Variants in LARGE1 observed in about 807,000 individuals in gnomAD.
LARGE1 encodes xylosyl- and glucuronyltransferase LARGE1.
LARGE1 carries 43 observed loss-of-function variants against 87.6 expected under a neutral mutation model. The ratio of observed to expected loss-of-function variants is 0.49; its 90% confidence interval spans 0.38 to 0.63. The LOEUF is 0.63. Among genes scored for constraint, LARGE1 ranks in the 30% least tolerant of loss-of-function variants. The pLI is 0.00. For synonymous variants in LARGE1, 434 were observed against 394.6 expected, an observed-to-expected ratio of 1.10 and a Z score of -1.18; for missense variants, 802 against 1,000.2, an observed-to-expected ratio of 0.80 and a Z score of 2.67.
intron 2 of LARGE1, among the ~76,000 whole-genome samples, chr22:33,680,178 G>A (rs1255057775): frequency 6.6e-6 from 1 of 152,112 alleles, no homozygotes; most frequent in Non-Finnish European, 1.5e-5. Flanking sequence ...ACTGATGAAG[G>A]GCCCTAAGTA....
chr22:33,295,684 C>G (rs1411617529), intron 12 of LARGE1, among the ~76,000 whole-genome samples: 1 of 152,200 alleles, frequency 6.6e-6, no homozygotes, highest in Non-Finnish European at 1.5e-5. Flanking sequence ...CTCCAGTTGT[C>G]TAGGAAATGA....
chr22:33,348,430 T>G (rs1304570259), intron 9 of LARGE1, among the ~76,000 whole-genome samples: 2 of 152,156 alleles, frequency 1.3e-5, no homozygotes, highest in Non-Finnish European at 2.9e-5. Flanking sequence ...TTCCAACCTC[T>G]TAAAATAAAA....
rs572504321 is a variant in LARGE1 at position 33,634,900 on chromosome 22, G to A, written c.409-8574C>T. 2.7e-3 allele frequency among the ~76,000 whole-genome samples: 408 copies of A among 151,974 alleles called. 2 individuals carry two copies. The highest frequency in any genetic ancestry group is 8.9e-3 in the African/African-American group (369 of 41,500). On this transcript the variant is annotated intron_variant, in intron 3 of 14. Coordinates refer to ENST00000397394, the MANE Select transcript of LARGE1 (RefSeq NM_133642.5). ...TCCCAGCACTTTGGGAGGCTGAGGC[G>A]GGTGGATCACAGGTCAGACCAGCCT...
Position 33,727,063 on chromosome 22 carries a change from G to A in LARGE1, c.106+34308C>T, listed in dbSNP as rs373646397. On this transcript the variant is annotated intron_variant, in intron 2 of 14. Transcript: ENST00000397394. ...TGGCTAGCACGGATGGGTCAATGCC[G>A]GCAGCAGAAACAAGGCTCCCTGAAG... 9.2e-5 allele frequency among the ~76,000 whole-genome samples: 14 copies of A among 152,150 alleles called. No homozygotes were observed. In the East Asian group the frequency reaches 1.2e-3, roughly 13 times the overall value.
intron 4 of LARGE1, among the ~76,000 whole-genome samples, chr22:33,615,245 TAAGGA>T (rs1332664606): frequency 2.0e-5 from 3 of 152,146 alleles, no homozygotes; most frequent in Admixed American, 2.0e-4. Context: ...AGTGATTGTT[TAAGGA>T]AAGAATGAAT....
chr22:33,520,598 T>C (rs2071533176), intron 6 of LARGE1, among the ~76,000 whole-genome samples: 1 of 152,202 alleles, frequency 6.6e-6, no homozygotes, highest in Non-Finnish European at 1.5e-5. Context: ...CTGAGCCACA[T>C]CAGCTTGCAG....
intron 3 of LARGE1, among the ~76,000 whole-genome samples, chr22:33,640,694 C>A (rs2080401701): frequency 1.3e-5 from 2 of 152,208 alleles, no homozygotes; most frequent in Admixed American, 1.3e-4. Context: ...GCTTGAAATT[C>A]TCCCCACCAG....
chr22:33,159,643 G>A (rs1466268743), downstream of LARGE1, among the ~76,000 whole-genome samples: 10 of 150,288 alleles, frequency 6.7e-5, no homozygotes, highest in African/African-American at 9.8e-5. Context: ...GGAGCGCAGC[G>A]GCACAATCTC....
chr22:33,181,827 C>CTTTTTTTT (rs56347007), intron 11 of LARGE1, among the ~76,000 whole-genome samples: 1 of 128,474 alleles, frequency 7.8e-6, no homozygotes, highest in East Asian at 2.2e-4. Flanking sequence ...TATGCCTGGC[C>CTTTTTTTT]TTTTTTTTTT....
intron 1 of LARGE1, among the ~76,000 whole-genome samples, chr22:33,849,786 A>G (rs1197556931): frequency 1.3e-5 from 2 of 152,084 alleles, no homozygotes. Flanking sequence ...TTTTAACTAC[A>G]GACGGGGTTT....
Position 33,422,757 on chromosome 22 carries a change from G to A in LARGE1, c.892+9404C>T, listed in dbSNP as rs535638785. ...AACTCCTGACCTCATGATCCTCTGC[G>A]CCCGGCCATACACACTTTTAAACAA... On this transcript the variant is annotated intron_variant, in intron 7 of 14. Transcript: ENST00000397394. 9.2e-5 allele frequency among the ~76,000 whole-genome samples: 14 copies of A among 151,828 alleles called. 1 individual carries two copies. In the South Asian group the frequency reaches 2.5e-3, roughly 27 times the overall value.
At chr22:33,128,069 C>G in the LARGE1 span, among the ~76,000 whole-genome samples, 13 of 152,240 alleles carry the variant, frequency 8.5e-5, no homozygotes, top group South Asian at 2.7e-3. Flanking sequence ...CAGAGAAAAA[C>G]CTTTTTTAAA....
intron 2 of LARGE1, among the ~76,000 whole-genome samples, chr22:33,722,586 T>C (rs1466563367): frequency 6.6e-6 from 1 of 152,182 alleles, no homozygotes; most frequent in Non-Finnish European, 1.5e-5. Flanking sequence ...AAATACATCA[T>C]TCCTGCCCTT....
In LARGE1 at chr22:33,845,059, C is replaced by T. The variant is rs531051092; in HGVS notation, c.-83+74936G>A. On this transcript the variant is annotated intron_variant, in intron 1 of 14. Coordinates refer to ENST00000397394, the MANE Select transcript of LARGE1 (RefSeq NM_133642.5). ...ATAAATAACAAGCCCCCTTTTTGTC[C>T]CCAATAAAATCTTCCGGGAAATGCA... Among the ~76,000 whole-genome samples, 56 of 151,844 alleles carry T rather than the reference C, an allele frequency of 3.7e-4. 1 individual carries two copies. The highest frequency in any genetic ancestry group is 2.5e-3 in the South Asian group (12 of 4,794).
chr22:33,575,386 T>C (rs1248816560), intron 5 of LARGE1, among the ~76,000 whole-genome samples: 2 of 152,190 alleles, frequency 1.3e-5, no homozygotes, highest in East Asian at 1.9e-4. Context: ...TAGCTATCTC[T>C]ATACCTCATA....
the LARGE1 span, among the ~76,000 whole-genome samples, chr22:33,088,167 GTA>G: frequency 1.3e-5 from 2 of 151,984 alleles, no homozygotes; most frequent in Non-Finnish European, 2.9e-5. Flanking sequence ...CAACCATTCT[GTA>G]ATCTAGGATC....
chr22:33,096,380 A>C, the LARGE1 span, among the ~76,000 whole-genome samples: 1 of 143,548 alleles, frequency 7.0e-6, no homozygotes, highest in South Asian at 2.2e-4. Flanking sequence ...ATTCCAGTGC[A>C]CTCCAGCCTG....
intron 11 of LARGE1, among the ~76,000 whole-genome samples, chr22:33,243,364 A>G (rs888807192): frequency 1.3e-5 from 2 of 152,180 alleles, no homozygotes; most frequent in African/African-American, 4.8e-5. Flanking sequence ...ATCACCTCAG[A>G]AAGTTCCTTT....
At chr22:33,757,088 C>T (rs912400511) in intron 2 of LARGE1, among the ~76,000 whole-genome samples, 4 of 152,166 alleles carry the variant, frequency 2.6e-5, no homozygotes, top group African/African-American at 9.7e-5. Flanking sequence ...ACCTGATGAG[C>T]GTCCTTCACC....
Sources: allele counts gnomAD v4.1 joint callset (sites outside exome capture counted in the v4.1 genomes callset), GRCh38; gene constraint gnomAD v4.1.1; transcripts MANE v1.5; gene names NCBI Gene and HGNC (gene_info 2026-07-23, HGNC 2026-07-21).